The following TMEM72 variants were observed in gnomAD, a reference collection of about 807,000 sequenced individuals.
TMEM72 encodes the protein kidney-specific secretory protein of 37 kDa.
A neutral mutation model predicts 16.3 loss-of-function variants in TMEM72; 9 were observed. The observed-to-expected ratio is 0.55, with a 90% CI of 0.33 to 0.96. TMEM72 has a LOEUF of 0.96. Among genes scored for constraint, TMEM72 ranks in the 40% least tolerant of loss-of-function variants. TMEM72 has a pLI of 0.03. For synonymous variants in TMEM72, 160 were observed against 146.5 expected, an observed-to-expected ratio of 1.09 and a Z score of -0.66; for missense variants, 324 against 337.8, an observed-to-expected ratio of 0.96 and a Z score of 0.32.
intron 2 of TMEM72, among the ~76,000 whole-genome samples, chr10:44,929,594 G>A (rs577177239): frequency 2.4e-4 from 36 of 152,310 alleles, no homozygotes; most frequent in Admixed American, 8.5e-4. Context: ...TCCCAGATGC[G>A]GTTCAGCCTC....
At chr10:44,914,270 C>T (rs551484796) in intron 1 of TMEM72, among the ~76,000 whole-genome samples, 1 of 152,330 alleles carries the variant, frequency 6.6e-6, no homozygotes, top group East Asian at 1.9e-4. Context: ...GATAAACAGG[C>T]CTCAGGTAGT....
At position 44,911,550 on chromosome 10, in the gene TMEM72, C is replaced by T. The variant is rs753566003; in HGVS notation, c.38C>T (p.Thr13Ile). 5.2e-6 allele frequency: 8 copies of T among 1,551,256 alleles called. No individual in the cohort carries two copies. The highest frequency in any genetic ancestry group is 7.0e-6 in the Non-Finnish European group (8 of 1,147,286). ...GTGTTCTGGACTGGGCTGGAATACA[C>T]CTGCCGGCTCCTGGGCATCACCACT... Reference protein sequence around the residue: ...LQVFWTGLEYTCRLLGITTAA... With the variant: ...LQVFWTGLEYICRLLGITTAA... Residue 13 changes from threonine (T) to isoleucine (I), a missense_variant, in exon 1 of 5, where the codon ACC becomes ATC. Thr to Ile is a moderately conservative substitution (Grantham distance 89). Coordinates refer to ENST00000389583, the MANE Select transcript of TMEM72 (RefSeq NM_001123376.3).
chr10:44,919,470 C>A (rs576877803), intron 1 of TMEM72, among the ~76,000 whole-genome samples: 25 of 152,300 alleles, frequency 1.6e-4, no homozygotes, highest in Middle Eastern at 3.4e-3. Flanking sequence ...ATATAATAAT[C>A]AACTGTATTT....
At chr10:44,932,817 GGA>G (rs1840322547) in intron 3 of TMEM72, among the ~76,000 whole-genome samples, 1 of 152,194 alleles carries the variant, frequency 6.6e-6, no homozygotes, top group Admixed American at 6.5e-5. Context: ...GGGGAGGAAT[GGA>G]CCCTGGATGG....
chr10:44,922,501 C>T (rs1840117716), intron 1 of TMEM72, among the ~76,000 whole-genome samples: 1 of 152,302 alleles, frequency 6.6e-6, no homozygotes, highest in Middle Eastern at 3.4e-3. Flanking sequence ...ATTTTGTTCC[C>T]AGTACAGTCC....
At chr10:44,932,696 C>T (rs545711621) in intron 3 of TMEM72, among the ~76,000 whole-genome samples, 29 of 152,330 alleles carry the variant, frequency 1.9e-4, no homozygotes, top group African/African-American at 6.5e-4. Flanking sequence ...CAGCACCTTG[C>T]AAGGCCACTG....
chr10:44,931,473 G>A (rs1025200377), intron 2 of TMEM72, among the ~76,000 whole-genome samples: 1 of 152,198 alleles, frequency 6.6e-6, no homozygotes, highest in Non-Finnish European at 1.5e-5. Context: ...CAGGCCTGGG[G>A]TAAGTGAGGA....
intron 1 of TMEM72, chr10:44,920,117 A>G (rs1840072336): frequency 6.6e-6 from 1 of 152,214 alleles, no homozygotes; most frequent in Admixed American, 6.5e-5. Flanking sequence ...GATGAGAATG[A>G]AAAGAAGCAA....
Position 44,934,797 on chromosome 10 carries a change from A to T in TMEM72, c.491A>T (p.Asp164Val). ...GCTGTGAGCACCACCGGCTCTGGGG[A>T]CACAGAGCAAACCTACACTTTCCAT... ...SSAVSTTGSG[D>V]TEQTYTFHGA... The change falls in exon 5 of 5, where the codon GAC becomes GTC. Residue 164 changes from aspartate (D) to valine (V), a missense_variant. Transcript: ENST00000389583. 1 of 1,613,570 alleles carries T rather than the reference A, an allele frequency of 6.2e-7. No individual in the cohort carries two copies. The highest frequency in any genetic ancestry group is 8.5e-7 in the Non-Finnish European group (1 of 1,179,968).
intron 2 of TMEM72, among the ~76,000 whole-genome samples, chr10:44,929,342 T>G (rs1254902862): frequency 3.9e-5 from 6 of 152,176 alleles, no homozygotes; most frequent in Admixed American, 2.0e-4. Flanking sequence ...AGGCTGTGTG[T>G]TCTAGCCCCC....
At chr10:44,928,324 A>G (rs893055147) in intron 2 of TMEM72, among the ~76,000 whole-genome samples, 15 of 151,780 alleles carry the variant, frequency 9.9e-5, no homozygotes, top group African/African-American at 2.7e-4. Context: ...CCATCTATCC[A>G]TCTATCCATC....
intron 1 of TMEM72, among the ~76,000 whole-genome samples, chr10:44,922,243 G>A (rs1039229932): frequency 6.6e-6 from 1 of 152,182 alleles, no homozygotes; most frequent in Non-Finnish European, 1.5e-5. Flanking sequence ...GAGAGGGCGG[G>A]GGCCCACCTG....
At chr10:44,915,348 G>A (rs1839998310) in intron 1 of TMEM72, among the ~76,000 whole-genome samples, 1 of 151,428 alleles carries the variant, frequency 6.6e-6, no homozygotes, top group African/African-American at 2.5e-5. Context: ...ATGCAGTATC[G>A]CATTTCATCC....
chr10:44,932,109 A>G (rs758148079), intron 3 of TMEM72, 40 bp downstream of exon 3: 3 of 1,594,028 alleles, frequency 1.9e-6, no homozygotes, highest in South Asian at 2.3e-5. Context: ...TGTCCACCCC[A>G]GCCCCAGACA....
intron 1 of TMEM72, among the ~76,000 whole-genome samples, chr10:44,924,578 G>A (rs1002851032): frequency 8.5e-5 from 13 of 152,254 alleles, no homozygotes; most frequent in Admixed American, 8.5e-4. Context: ...TGAACATTGA[G>A]ACCAGAGGCA....
intron 4 of TMEM72, among the ~76,000 whole-genome samples, chr10:44,934,047 C>T (rs1156341024): frequency 6.6e-6 from 1 of 152,192 alleles, no homozygotes. Context: ...CCTTTCCTCC[C>T]ACTGACCATG....
At chr10:44,919,150 G>A (rs979204856) in intron 1 of TMEM72, among the ~76,000 whole-genome samples, 1 of 152,118 alleles carries the variant, frequency 6.6e-6, no homozygotes. Context: ...ACTAGTAACA[G>A]AAGGAAACTC....
chr10:44,911,355 G>C lies in TMEM72; in HGVS notation c.-158G>C. On this transcript the variant is annotated 5_prime_UTR_variant, in exon 1 of 5. Coordinates refer to ENST00000389583, the MANE Select transcript of TMEM72 (RefSeq NM_001123376.3). ...AGAAGGTGAGCCCTATTCACACCTC[G>C]GCCAGGCTGCGGTGGCCAGGACTGG... 1.5e-6 allele frequency: 1 copy of C among 678,512 alleles called. No homozygotes were observed. Among genetic ancestry groups the C allele is most frequent in the Non-Finnish European group, 2.5e-6 (1 of 401,636 alleles). 42.0% of individuals were successfully genotyped at this position (678,512 alleles called of 1,614,324 possible).
At chr10:44,924,527 C>T (rs1248372209) in intron 1 of TMEM72, among the ~76,000 whole-genome samples, 1 of 39,542 alleles carries the variant, frequency 2.5e-5, no homozygotes, top group Non-Finnish European at 9.5e-5. Flanking sequence ...CAGGAGCCGC[C>T]CCCCAAGGAG....
Sources: allele counts gnomAD v4.1 joint callset (sites outside exome capture counted in the v4.1 genomes callset), GRCh38; gene constraint gnomAD v4.1.1; transcripts MANE v1.5; gene names NCBI Gene and HGNC (gene_info 2026-07-23, HGNC 2026-07-21).